PLXNA4: variants seen among roughly 807,000 people sequenced by gnomAD.
PLXNA4 encodes plexin-A4.
A neutral mutation model predicts 191.8 loss-of-function variants in PLXNA4; 44 were observed. The ratio of observed to expected loss-of-function variants is 0.23; its 90% confidence interval spans 0.18 to 0.29. PLXNA4 has a LOEUF of 0.29. Ranked by LOEUF, PLXNA4 falls within the 10% of genes least tolerant of loss-of-function variation. The probability of loss-of-function intolerance (pLI) is 1.00; values close to 1 mark genes in which losing one functional copy is unlikely to be tolerated. For missense variants in PLXNA4, 1,800 were observed against 2,488.8 expected (o/e 0.72, Z 5.89); for synonymous variants, 1,082 against 1,009.5 (o/e 1.07, Z -1.36).
At chr7:132,186,225 G>A (rs1042139758) in intron 15 of PLXNA4, among the ~76,000 whole-genome samples, 4 of 152,188 alleles carry the variant, frequency 2.6e-5, no homozygotes, top group African/African-American at 9.7e-5. Context: ...GTTCATGACA[G>A]GTGTGCCCTT....
At chr7:132,536,987 C>T (rs1349590371) in intron 1 of PLXNA4, among the ~76,000 whole-genome samples, 3 of 152,206 alleles carry the variant, frequency 2.0e-5, no homozygotes, top group South Asian at 4.1e-4. Flanking sequence ...GAGCATTAGG[C>T]TGATTTAAAA....
At chr7:132,330,681 A>G (rs1040649287) in intron 3 of PLXNA4, among the ~76,000 whole-genome samples, 1 of 152,150 alleles carries the variant, frequency 6.6e-6, no homozygotes, top group African/African-American at 2.4e-5. Context: ...TGGCTGGTCA[A>G]TGGCTGAGTG....
intron 1 of PLXNA4, among the ~76,000 whole-genome samples, chr7:132,552,030 G>T (rs1800584640): frequency 6.6e-6 from 1 of 152,172 alleles, no homozygotes; most frequent in Non-Finnish European, 1.5e-5. Context: ...TTATTAGCAG[G>T]TTTGCTGAGG....
intron 3 of PLXNA4, among the ~76,000 whole-genome samples, chr7:132,487,830 T>C (rs1797622818): frequency 6.6e-6 from 1 of 152,178 alleles, no homozygotes; most frequent in Non-Finnish European, 1.5e-5. Flanking sequence ...CAGTTCAATA[T>C]GTGAACAAAA....
intron 2 of PLXNA4, among the ~76,000 whole-genome samples, chr7:132,489,775 C>G (rs1797709099): frequency 6.6e-6 from 1 of 152,140 alleles, no homozygotes; most frequent in South Asian, 2.1e-4. Context: ...CTTTGTCCAT[C>G]ATTATTATCA....
intron 2 of PLXNA4, among the ~76,000 whole-genome samples, chr7:132,619,473 C>T (rs950399701): frequency 2.6e-5 from 4 of 152,174 alleles, no homozygotes; most frequent in African/African-American, 9.7e-5. Flanking sequence ...TTTGTGCTTG[C>T]TGGTATGTAA....
intron 1 of PLXNA4, among the ~76,000 whole-genome samples, chr7:132,544,378 T>C (rs1233064690): frequency 6.6e-6 from 1 of 152,228 alleles, no homozygotes; most frequent in Non-Finnish European, 1.5e-5. Context: ...TTTTGTGATA[T>C]TAGAGATTCT....
intron 3 of PLXNA4, among the ~76,000 whole-genome samples, chr7:132,386,831 C>A (rs1301740457): frequency 6.6e-6 from 1 of 152,146 alleles, no homozygotes; most frequent in Non-Finnish European, 1.5e-5. Flanking sequence ...AGCTGCAGAG[C>A]ATCAGAAAAT....
At chr7:132,272,877 G>A (rs747230564) in intron 4 of PLXNA4, among the ~76,000 whole-genome samples, 22 of 151,984 alleles carry the variant, frequency 1.4e-4, no homozygotes, top group African/African-American at 2.4e-4. Flanking sequence ...TTCATCGCTC[G>A]TTCTCCATGT....
chr7:132,396,646 A>T (rs1793775843), intron 3 of PLXNA4, among the ~76,000 whole-genome samples: 1 of 152,196 alleles, frequency 6.6e-6, no homozygotes, highest in Admixed American at 6.5e-5. Context: ...GTGTGCAACC[A>T]TGGCCGACTA....
intron 3 of PLXNA4, among the ~76,000 whole-genome samples, chr7:132,317,326 G>A (rs1238594930): frequency 6.6e-6 from 1 of 151,842 alleles, no homozygotes; most frequent in African/African-American, 2.4e-5. Flanking sequence ...GATTGAGTTG[G>A]GTTGGGTTGG....
chr7:132,471,759 C>G (rs1278474178), intron 3 of PLXNA4, among the ~76,000 whole-genome samples: 1 of 152,106 alleles, frequency 6.6e-6, no homozygotes, highest in Non-Finnish European at 1.5e-5. Flanking sequence ...CTCTGGTTCC[C>G]CCTTCACCCA....
chr7:132,227,468 C>T lies in PLXNA4; in HGVS notation c.1865G>A (p.Arg622Gln), dbSNP rs780870391. Residue 622 changes from arginine (R) to glutamine (Q), a missense_variant, in exon 7 of 32, where the codon CGG becomes CAG. Arg to Gln is a conservative substitution (Grantham distance 43). Around this residue, in one of 6 missense-constraint regions of PLXNA4, gnomAD observed 1,397 missense variants for 1,880.4 expected, o/e 0.74. Transcript: ENST00000321063. ...CYSPAAKEVP[R>Q]IITENGDHHV... ...ATGCTCACCATTCTCTGTGATGATC[C>T]GGGGCACCTCCTTGGCTGCAGGGGA... is the stretch of plus-strand genomic sequence containing the variant. 15 of 1,613,982 alleles carry T rather than the reference C, an allele frequency of 9.3e-6. No individual in the cohort carries two copies. The highest frequency in any genetic ancestry group is 5.5e-5 in the South Asian group (5 of 91,082).
chr7:132,218,251 G>A (rs566975035), intron 9 of PLXNA4, among the ~76,000 whole-genome samples: 1 of 152,106 alleles, frequency 6.6e-6, no homozygotes, highest in Non-Finnish European at 1.5e-5. Flanking sequence ...GGGGTATTAG[G>A]GGATGTTGGG....
intron 3 of PLXNA4, among the ~76,000 whole-genome samples, chr7:132,381,052 T>C (rs540477676): frequency 2.6e-5 from 4 of 152,398 alleles, no homozygotes; most frequent in Middle Eastern, 3.4e-3. Context: ...AAGGTAATTT[T>C]ATCTACCATG....
chr7:132,349,601 A>T (rs1292817681), intron 3 of PLXNA4, among the ~76,000 whole-genome samples: 1 of 152,168 alleles, frequency 6.6e-6, no homozygotes, highest in Admixed American at 6.5e-5. Flanking sequence ...CACGACCCTG[A>T]CAGTAAAGGA....
chr7:132,358,172 C>T (rs1803787605), intron 3 of PLXNA4, among the ~76,000 whole-genome samples: 3 of 152,322 alleles, frequency 2.0e-5, no homozygotes, highest in African/African-American at 4.8e-5. Flanking sequence ...GGAATTGAGA[C>T]GTTTATTTAA....
chr7:132,344,276 CTG>C (rs941043355), intron 3 of PLXNA4, among the ~76,000 whole-genome samples: 3 of 152,152 alleles, frequency 2.0e-5, no homozygotes, highest in African/African-American at 7.2e-5. Context: ...TCGCCTGCCA[CTG>C]TGTGCAACCT....
chr7:132,145,479 C>T, intron 28 of PLXNA4, 191 bp from the exon 29 acceptor site: 1 of 741,472 alleles, frequency 1.3e-6, no homozygotes, highest in Non-Finnish European at 2.1e-6. Flanking sequence ...TAAATTTCCC[C>T]TGCACATGGA....
Sources: allele counts gnomAD v4.1 joint callset (sites outside exome capture counted in the v4.1 genomes callset), GRCh38; gene constraint gnomAD v4.1.1; regional missense constraint gnomAD v4.1.1; transcripts MANE v1.5; gene names NCBI Gene and HGNC (gene_info 2026-07-23, HGNC 2026-07-21).